Variants in SH3D19 observed in about 807,000 individuals in gnomAD.
SH3D19 encodes the protein SH3 domain containing 19.
SH3D19 carries 58 observed loss-of-function variants against 112.1 expected under a neutral mutation model. The ratio of observed to expected loss-of-function variants is 0.52; its 90% CI spans 0.42 to 0.64. The LOEUF is 0.64. SH3D19 is among the 30% of genes least tolerant of loss of function. The pLI is 0.00. For synonymous variants in SH3D19, 391 were observed against 448.5 expected (o/e 0.87, Z 1.62); for missense variants, 1,090 against 1,263.4 (o/e 0.86, Z 2.08).
intron 1 of SH3D19, among the ~76,000 whole-genome samples, chr4:151,267,356 T>C (rs921053714): frequency 6.6e-6 from 1 of 151,892 alleles, no homozygotes; most frequent in Non-Finnish European, 1.5e-5. Flanking sequence ...AAAAAGGCTC[T>C]TTCCACTATA....
intron 1 of SH3D19, among the ~76,000 whole-genome samples, chr4:151,316,655 G>T (rs1010216838): frequency 6.6e-6 from 1 of 151,112 alleles, no homozygotes; most frequent in Non-Finnish European, 1.5e-5. Context: ...GTATAACTTG[G>T]AACAAATTTT....
intron 1 of SH3D19, among the ~76,000 whole-genome samples, chr4:151,319,536 A>T (rs1419219376): frequency 1.3e-5 from 2 of 152,268 alleles, no homozygotes; most frequent in East Asian, 3.8e-4. Context: ...CTAACTTAGT[A>T]GACAAAGCCA....
At chr4:151,262,051 TTC>T (rs897993018) in intron 1 of SH3D19, among the ~76,000 whole-genome samples, 3 of 152,244 alleles carry the variant, frequency 2.0e-5, no homozygotes, top group Non-Finnish European at 2.9e-5. Flanking sequence ...TAAATCCGCA[TTC>T]TGTTTTGGGT....
intron 19 of SH3D19, among the ~76,000 whole-genome samples, chr4:151,122,538 C>T (rs935698349): frequency 2.6e-5 from 4 of 151,378 alleles, no homozygotes; most frequent in African/African-American, 9.7e-5. Flanking sequence ...CACACACACA[C>T]GATTATTTAT....
intron 1 of SH3D19, among the ~76,000 whole-genome samples, chr4:151,300,878 T>C (rs1728344460): frequency 6.6e-6 from 1 of 152,208 alleles, no homozygotes; most frequent in Non-Finnish European, 1.5e-5. Context: ...AATCAGGACC[T>C]ACATCAGAGA....
intron 1 of SH3D19, among the ~76,000 whole-genome samples, chr4:151,312,828 G>A (rs1729589723): frequency 6.6e-6 from 1 of 151,646 alleles, no homozygotes; most frequent in South Asian, 2.1e-4. Context: ...GTGAACCCGG[G>A]AGGCGAAGGT....
chr4:151,306,648 A>C (rs974994343), intron 1 of SH3D19, among the ~76,000 whole-genome samples: 1 of 152,220 alleles, frequency 6.6e-6, no homozygotes. Context: ...ATTACATTCT[A>C]CAAGGTTTGC....
chr4:151,139,835 C>G lies in SH3D19; in HGVS notation c.2236G>C (p.Ala746Pro). 6.2e-7 allele frequency: 1 copy of G among 1,614,042 alleles called. No individual in the cohort carries two copies. The highest frequency in any genetic ancestry group is 8.5e-7 in the Non-Finnish European group (1 of 1,180,002). Residue 746 changes from alanine (A) to proline (P), a missense_variant, in exon 13 of 20, where the codon GCT (alanine) becomes CCT (proline). Transcript: ENST00000604030. ...GCACCACTGTCAACAGGCTTCTGAG[C>G]GTGGCTTGGATCCTTAGGGGGAGAA... ...LRSRPNDPSH[A>P]QKPVDSGAPH...
At chr4:151,315,113 C>T (rs1227514987) in intron 1 of SH3D19, among the ~76,000 whole-genome samples, 1 of 152,124 alleles carries the variant, frequency 6.6e-6, no homozygotes, top group Non-Finnish European at 1.5e-5. Flanking sequence ...ACCAGGAGTC[C>T]ATGCTACAGA....
At chr4:151,262,655 T>G (rs1439768141) in intron 1 of SH3D19, 3 of 150,444 alleles carry the variant, frequency 2.0e-5, no homozygotes, top group African/African-American at 7.3e-5. Context: ...CTTTGCTCTA[T>G]GTACTGTCTA....
At chr4:151,188,453 T>C (rs1244816281) in intron 2 of SH3D19, among the ~76,000 whole-genome samples, 1 of 152,194 alleles carries the variant, frequency 6.6e-6, no homozygotes, top group Non-Finnish European at 1.5e-5. Context: ...TTTGGAATAT[T>C]TGCATTATAT....
At chr4:151,195,068 T>C (rs1763212113) in intron 2 of SH3D19, among the ~76,000 whole-genome samples, 2 of 83,230 alleles carry the variant, frequency 2.4e-5, no homozygotes, top group African/African-American at 3.2e-5. Flanking sequence ...AGGAAGACCA[T>C]CTTAAAAAAA....
intron 1 of SH3D19, chr4:151,227,913 G>A (rs1769251863): frequency 1.0e-6 from 1 of 985,282 alleles, no homozygotes; most frequent in African/African-American, 1.7e-5. Context: ...ACAGAGTCAC[G>A]ATGCATGTAA....
At chr4:151,261,036 C>A (rs1308912378) in intron 1 of SH3D19, 4 of 152,056 alleles carry the variant, frequency 2.6e-5, no homozygotes, top group African/African-American at 9.7e-5. Flanking sequence ...TCTCCCTGCC[C>A]CAACACACAC....
intron 1 of SH3D19, among the ~76,000 whole-genome samples, chr4:151,255,069 G>T (rs1771737452): frequency 6.7e-6 from 1 of 148,984 alleles, no homozygotes; most frequent in East Asian, 2.1e-4. Context: ...GGCTGGCCGG[G>T]CGGGGGGCTG....
chr4:151,322,915 T>C (rs1427542407), intron 1 of SH3D19, among the ~76,000 whole-genome samples: 3 of 152,128 alleles, frequency 2.0e-5, no homozygotes, highest in Non-Finnish European at 4.4e-5. Context: ...CATATGTGTA[T>C]GGTAAAACTG....
At chr4:151,166,793 G>T (rs2149809611) in intron 7 of SH3D19, among the ~76,000 whole-genome samples, 1 of 152,254 alleles carries the variant, frequency 6.6e-6, no homozygotes, top group East Asian at 1.9e-4. Flanking sequence ...CTCTTTGCAG[G>T]ATACGTGAAG....
chr4:151,201,896 C>T (rs1580131131), intron 2 of SH3D19, among the ~76,000 whole-genome samples: 1 of 151,028 alleles, frequency 6.6e-6, no homozygotes, highest in East Asian at 2.0e-4. Context: ...CCTGTAATCT[C>T]AGATAATGGA....
At chr4:151,205,821 T>C (rs951746478) in intron 2 of SH3D19, among the ~76,000 whole-genome samples, 1 of 152,238 alleles carries the variant, frequency 6.6e-6, no homozygotes, top group Non-Finnish European at 1.5e-5. Context: ...AAGGTACTGT[T>C]ATCATCCCAG....
Sources: gnomAD v4.1 joint callset for allele counts (sites outside exome capture counted in the v4.1 genomes callset) on GRCh38, gnomAD v4.1.1 for gene constraint, MANE v1.5 for transcripts, NCBI Gene and HGNC (gene_info 2026-07-23, HGNC 2026-07-21) for gene names.